The following NRXN1 variants were observed in gnomAD, a reference collection of about 807,000 sequenced individuals.
The protein encoded by NRXN1 is neurexin 1.
Under a neutral mutation model 150.9 loss-of-function variants are expected in NRXN1, and 39 were observed. The observed-to-expected ratio is 0.26, with a 90% CI of 0.20 to 0.34. The LOEUF is 0.34. NRXN1 is among the 10% of genes least tolerant of loss of function. NRXN1 has a pLI of 1.00. For missense variants in NRXN1, 1,815 were observed against 1,949.9 expected (o/e 0.93, Z 1.30); for synonymous variants, 924 against 757.0 (o/e 1.22, Z -3.62).
chr2:50,502,249 G>C (rs1259735784), intron 13 of NRXN1, among the ~76,000 whole-genome samples: 2 of 149,626 alleles, frequency 1.3e-5, no homozygotes, highest in Non-Finnish European at 3.0e-5. Context: ...GAAGGAAGGA[G>C]GGAAAAAATA....
At chr2:50,458,117 G>C (rs1573051730) in intron 17 of NRXN1, among the ~76,000 whole-genome samples, 1 of 152,172 alleles carries the variant, frequency 6.6e-6, no homozygotes, top group East Asian at 1.9e-4. Context: ...AGAAAAAAAT[G>C]GTATATATAT....
intron 17 of NRXN1, among the ~76,000 whole-genome samples, chr2:50,405,360 A>C (rs1313711317): frequency 2.0e-5 from 3 of 152,154 alleles, no homozygotes; most frequent in Non-Finnish European, 4.4e-5. Context: ...TATTGCAAAC[A>C]ATGGTGTCTC....
intron 18 of NRXN1, among the ~76,000 whole-genome samples, chr2:50,115,933 T>C (rs935858310): frequency 1.3e-5 from 2 of 152,104 alleles, no homozygotes; most frequent in African/African-American, 4.8e-5. Context: ...ATAGGATCAG[T>C]CTTGGGGCTA....
rs147752721 is a variant in NRXN1, at chr2:50,590,066, T to C, written c.1320+29956A>G. ...GTGACAATAACTGTGTAAGGTTCAT[T>C]GCTCAAGTATGAAGCATAGTAAAAT... On this transcript the variant is annotated intron_variant, in intron 8 of 22. Transcript: ENST00000401669. Among the ~76,000 whole-genome samples, 1,115 of 152,336 alleles carry C rather than the reference T, an allele frequency of 7.3e-3. 14 individuals are homozygous for C. The highest frequency in any genetic ancestry group is 0.025 in the African/African-American group (1,054 of 41,576).
intron 8 of NRXN1, among the ~76,000 whole-genome samples, chr2:50,561,173 T>G (rs1372738943): frequency 1.3e-5 from 2 of 152,160 alleles, no homozygotes; most frequent in African/African-American, 2.4e-5. Context: ...TGAGACAACA[T>G]TAGGTGCAAT....
intron 8 of NRXN1, among the ~76,000 whole-genome samples, chr2:50,618,480 G>A (rs1472429611): frequency 6.6e-6 from 1 of 151,950 alleles, no homozygotes; most frequent in Non-Finnish European, 1.5e-5. Flanking sequence ...ACAAATTTGA[G>A]AGTTTGTACA....
chr2:50,739,880 T>C (rs1699223432), intron 5 of NRXN1, among the ~76,000 whole-genome samples: 1 of 152,122 alleles, frequency 6.6e-6, no homozygotes, highest in Non-Finnish European at 1.5e-5. Flanking sequence ...CATTGAAACA[T>C]AATAGAATTT....
intron 18 of NRXN1, among the ~76,000 whole-genome samples, chr2:50,129,764 G>C (rs1705195352): frequency 6.6e-6 from 1 of 151,992 alleles, no homozygotes; most frequent in East Asian, 1.9e-4. Flanking sequence ...TACTGTCCAG[G>C]TATTAAGAAA....
intron 21 of NRXN1, among the ~76,000 whole-genome samples, chr2:50,013,273 C>CTTTCT (rs1553482403): frequency 4.4e-5 from 6 of 136,152 alleles, no homozygotes; most frequent in African/African-American, 1.4e-4. Context: ...ATTAAAGTTT[C>CTTTCT]TTTTTTTTTT....
chr2:50,626,384 A>G (rs1363243024), intron 5 of NRXN1, among the ~76,000 whole-genome samples: 1 of 152,004 alleles, frequency 6.6e-6, no homozygotes, highest in East Asian at 1.9e-4. Context: ...AAAGATGGAC[A>G]TTTATTACAA....
chr2:50,521,924 G>A (rs1444778099), intron 12 of NRXN1, among the ~76,000 whole-genome samples: 1 of 152,072 alleles, frequency 6.6e-6, no homozygotes, highest in Non-Finnish European at 1.5e-5. Context: ...TGAAAGATTT[G>A]TCCAACGGGA....
At chr2:49,991,228 C>A (rs1010522935) in intron 21 of NRXN1, among the ~76,000 whole-genome samples, 1 of 151,918 alleles carries the variant, frequency 6.6e-6, no homozygotes, top group Non-Finnish European at 1.5e-5. Flanking sequence ...GAATTACTAG[C>A]TACTGCAATA....
chr2:50,513,537 A>G (rs1299238977), intron 12 of NRXN1, among the ~76,000 whole-genome samples: 2 of 152,210 alleles, frequency 1.3e-5, no homozygotes, highest in African/African-American at 4.8e-5. Flanking sequence ...AACCTGAAAT[A>G]GATCAATAAC....
chr2:50,655,712 T>C (rs1364139202), intron 5 of NRXN1, among the ~76,000 whole-genome samples: 1 of 151,808 alleles, frequency 6.6e-6, no homozygotes, highest in Admixed American at 6.6e-5. Context: ...TAGGACTTAG[T>C]ATTTTGAAAA....
chr2:50,402,135 A>C (rs965313485), intron 17 of NRXN1, among the ~76,000 whole-genome samples: 3 of 152,132 alleles, frequency 2.0e-5, no homozygotes, highest in Non-Finnish European at 4.4e-5. Flanking sequence ...CTGTTTGGAA[A>C]ATAAAATTAA....
At chr2:50,273,166 C>T (rs2069936010) in intron 17 of NRXN1, among the ~76,000 whole-genome samples, 1 of 152,158 alleles carries the variant, frequency 6.6e-6, no homozygotes, top group Admixed American at 6.5e-5. Context: ...ACTCTCAACA[C>T]TGTTCAAAGG....
intron 5 of NRXN1, among the ~76,000 whole-genome samples, chr2:50,641,521 G>A (rs557921584): frequency 1.3e-5 from 2 of 152,064 alleles, no homozygotes; most frequent in Admixed American, 6.6e-5. Flanking sequence ...TCAGGTCAGA[G>A]TTCTTTTTAT....
chr2:50,816,116 T>G (rs941311496), intron 5 of NRXN1, among the ~76,000 whole-genome samples: 3 of 152,174 alleles, frequency 2.0e-5, no homozygotes, highest in Non-Finnish European at 2.9e-5. Context: ...TATCTTTTTG[T>G]TGTCTAAGAA....
intron 2 of NRXN1, among the ~76,000 whole-genome samples, chr2:50,977,755 T>G (rs1358978819): frequency 6.6e-6 from 1 of 151,854 alleles, no homozygotes; most frequent in Non-Finnish European, 1.5e-5. Flanking sequence ...GCATTTATAA[T>G]GCTTCCTTAA....
Sources: allele counts gnomAD v4.1 joint callset (sites outside exome capture counted in the v4.1 genomes callset), GRCh38; gene constraint gnomAD v4.1.1; transcripts MANE v1.5; gene names NCBI Gene and HGNC (gene_info 2026-07-23, HGNC 2026-07-21).